The following SCARA5 variants were observed in gnomAD, a reference collection of about 807,000 sequenced individuals.
The protein encoded by SCARA5 is scavenger receptor class A, member 5 (putative).
SCARA5 carries 45 observed loss-of-function variants against 46.3 expected under a neutral mutation model. The observed-to-expected ratio is 0.97, with a 90% confidence interval of 0.76 to 1.24. The LOEUF (loss-of-function observed/expected upper bound fraction) is 1.24, where lower values mean the gene tolerates loss of function less well. SCARA5 is among the 50% of genes most tolerant of loss of function. SCARA5 has a pLI of 0.00. For missense variants in SCARA5, 680 were observed against 689.0 expected, an observed-to-expected ratio of 0.99 and a Z score of 0.15; for synonymous variants, 333 against 306.5, an observed-to-expected ratio of 1.09 and a Z score of -0.90.
intron 7 of SCARA5, among the ~76,000 whole-genome samples, chr8:27,891,975 G>T (rs888418987): frequency 1.3e-5 from 2 of 152,234 alleles, no homozygotes; most frequent in Admixed American, 6.5e-5. Flanking sequence ...CAGGCTGGTT[G>T]GGTGTGTGCC....
chr8:27,880,392 GA>G (rs34715999), intron 7 of SCARA5, among the ~76,000 whole-genome samples: 20,829 of 138,556 alleles, frequency 0.15, 1,965 homozygotes, highest in African/African-American at 0.29. Context: ...TTCTGTACAG[GA>G]AAAAAAAAAA....
intron 1 of SCARA5, among the ~76,000 whole-genome samples, chr8:27,991,915 G>C (rs201459585): frequency 6.7e-6 from 1 of 149,230 alleles, no homozygotes; most frequent in Non-Finnish European, 1.5e-5. Context: ...GCACACACAC[G>C]AAGCCATGGA....
chr8:27,909,640 C>T (rs1274490216), intron 5 of SCARA5, 23 bp downstream of exon 5: 11 of 1,496,138 alleles, frequency 7.4e-6, no homozygotes, highest in Non-Finnish European at 6.4e-6. Flanking sequence ...CTCCCAGGTA[C>T]CACCCAGGGG....
intron 2 of SCARA5, among the ~76,000 whole-genome samples, chr8:27,977,137 C>T (rs1475338070): frequency 6.6e-6 from 1 of 152,188 alleles, no homozygotes; most frequent in Admixed American, 6.5e-5. Flanking sequence ...AGTGAGGGAG[C>T]CGCTGGGGTC....
At chr8:27,905,394 T>C (rs1807236467) in intron 6 of SCARA5, among the ~76,000 whole-genome samples, 1 of 151,932 alleles carries the variant, frequency 6.6e-6, no homozygotes, top group African/African-American at 2.4e-5. Flanking sequence ...GACATTAAAA[T>C]GACAAGGGAC....
intron 7 of SCARA5, among the ~76,000 whole-genome samples, chr8:27,888,896 A>G (rs1806938549): frequency 6.6e-6 from 1 of 152,156 alleles, no homozygotes; most frequent in Non-Finnish European, 1.5e-5. Context: ...CTGGCTGGGT[A>G]GCCTCCTTGC....
At chr8:27,873,203 C>T (rs900225283) in intron 8 of SCARA5, among the ~76,000 whole-genome samples, 3 of 152,210 alleles carry the variant, frequency 2.0e-5, no homozygotes, top group African/African-American at 7.2e-5. Flanking sequence ...CTCTCCCACT[C>T]TAGGTTCCCA....
chr8:27,964,849 C>A (rs1325663857), intron 3 of SCARA5, among the ~76,000 whole-genome samples: 1 of 152,132 alleles, frequency 6.6e-6, no homozygotes, highest in Non-Finnish European at 1.5e-5. Flanking sequence ...TCCTGTTCTG[C>A]AGAGCTTTTC....
At chr8:27,923,721 G>T (rs1331327117) in intron 3 of SCARA5, among the ~76,000 whole-genome samples, 1 of 152,128 alleles carries the variant, frequency 6.6e-6, no homozygotes, top group Non-Finnish European at 1.5e-5. Flanking sequence ...GACTACAGGT[G>T]CATGCCACCA....
chr8:27,909,640 C>A, intron 5 of SCARA5, 23 bp downstream of exon 5: 2 of 1,496,140 alleles, frequency 1.3e-6, no homozygotes, highest in East Asian at 2.5e-5. Context: ...CTCCCAGGTA[C>A]CACCCAGGGG....
intron 3 of SCARA5, among the ~76,000 whole-genome samples, chr8:27,963,450 A>G (rs542888938): frequency 6.6e-6 from 1 of 152,324 alleles, no homozygotes; most frequent in East Asian, 1.9e-4. Flanking sequence ...GAGGTATTGG[A>G]GGTAGGAGGA....
chr8:27,973,578 A>G (rs761934955), intron 2 of SCARA5, among the ~76,000 whole-genome samples: 21 of 152,216 alleles, frequency 1.4e-4, no homozygotes, highest in Non-Finnish European at 3.1e-4. Context: ...GTAGAAGCTA[A>G]TCACTGGAAC....
chr8:27,962,234 A>C (rs1450187994), intron 3 of SCARA5, among the ~76,000 whole-genome samples: 1 of 152,172 alleles, frequency 6.6e-6, no homozygotes, highest in Non-Finnish European at 1.5e-5. Context: ...ACATATCCTC[A>C]TACAAGGGAT....
intron 2 of SCARA5, among the ~76,000 whole-genome samples, chr8:27,975,481 G>A (rs534927350): frequency 2.0e-5 from 3 of 150,912 alleles, no homozygotes; most frequent in Non-Finnish European, 3.0e-5. Flanking sequence ...CGGGGTGGGA[G>A]CAGTCTTGTG....
chr8:27,926,268 TA>T (rs1294076020), intron 3 of SCARA5, among the ~76,000 whole-genome samples: 1 of 152,044 alleles, frequency 6.6e-6, no homozygotes, highest in Admixed American at 6.6e-5. Context: ...TATGCAGCCA[TA>T]AAAAAGGATG....
chr8:27,944,519 C>A (rs1428868356), intron 3 of SCARA5, among the ~76,000 whole-genome samples: 1 of 151,992 alleles, frequency 6.6e-6, no homozygotes, highest in Non-Finnish European at 1.5e-5. Context: ...GGGTATATAG[C>A]ACTCTTTATA....
chr8:27,873,412 T>C (rs1806671736), intron 8 of SCARA5, among the ~76,000 whole-genome samples: 1 of 152,196 alleles, frequency 6.6e-6, no homozygotes, highest in Non-Finnish European at 1.5e-5. Flanking sequence ...CAAACATGTA[T>C]GTCCAGCTGG....
chr8:27,955,573 G>A (rs976611942), intron 3 of SCARA5, among the ~76,000 whole-genome samples: 3 of 152,182 alleles, frequency 2.0e-5, no homozygotes, highest in South Asian at 2.1e-4. Flanking sequence ...GGAGGTCCCA[G>A]CGAGGGGCCA....
intron 1 of SCARA5, 131 bp downstream of exon 1, chr8:27,992,126 G>T (rs1354127765): frequency 1.3e-5 from 2 of 152,256 alleles, no homozygotes; most frequent in East Asian, 1.9e-4. Context: ...CCTGGAGAAG[G>T]CACCTCCAGG....
Sources: allele counts gnomAD v4.1 joint callset (sites outside exome capture counted in the v4.1 genomes callset), GRCh38; gene constraint gnomAD v4.1.1; transcripts MANE v1.5; gene names NCBI Gene and HGNC (gene_info 2026-07-23, HGNC 2026-07-21).